SLC22A24: variants seen among roughly 807,000 people sequenced by gnomAD.
The protein encoded by SLC22A24 is solute carrier family 22 member 24, also known as steroid transmembrane transporter SLC22A24.
In SLC22A24, 53 loss-of-function variants were observed where a neutral mutation model predicts 49.8. The observed-to-expected ratio is 1.06, with a 90% CI of 0.85 to 1.34. The LOEUF (loss-of-function observed/expected upper bound fraction) is 1.34. Ranked by LOEUF, SLC22A24 falls within the 40% of genes most tolerant of loss-of-function variation. The probability of loss-of-function intolerance (pLI) is 0.00; values close to 1 mark genes in which losing one functional copy is unlikely to be tolerated. For synonymous variants in SLC22A24, 302 were observed against 256.4 expected, an observed-to-expected ratio of 1.18 and a Z score of -1.70; for missense variants, 786 against 675.9, an observed-to-expected ratio of 1.16 and a Z score of -1.81.
rs1565048100 is a variant in SLC22A24, at chr11:63,143,826, A to C, written c.-47T>G. ...CAAGAGGAAGCACAATGACTTTATG[A>C]AGAGAAGTTCAGAGGGAGAAAATGT... On this transcript the variant is annotated 5_prime_UTR_variant, in exon 1 of 10. Transcript: ENST00000612278. The C allele has an allele frequency of 7.6e-7, 1 of 1,311,908 alleles. No homozygotes were observed. The highest frequency in any genetic ancestry group is 9.7e-7 in the Non-Finnish European group (1 of 1,025,916). The allele number at this position is 1,311,908 out of a possible 1,614,324, so 81.3% of individuals were successfully genotyped here.
chr11:63,111,670 G>C (rs1472144881), intron 4 of SLC22A24, among the ~76,000 whole-genome samples: 1 of 150,584 alleles, frequency 6.6e-6, no homozygotes, highest in Non-Finnish European at 1.5e-5. Flanking sequence ...ATGGTAGTTT[G>C]TATTTCTGTG....
At chr11:63,084,232 T>C (rs1402238260) in intron 6 of SLC22A24, among the ~76,000 whole-genome samples, 1 of 152,130 alleles carries the variant, frequency 6.6e-6, no homozygotes, top group African/African-American at 2.4e-5. Context: ...GCCTGACATT[T>C]CTAAGCAGTC....
intron 2 of SLC22A24, among the ~76,000 whole-genome samples, chr11:63,128,569 T>C (rs201051157): frequency 6.7e-3 from 906 of 135,136 alleles, no homozygotes; most frequent in Admixed American, 0.018. Flanking sequence ...TCATGTTCCA[T>C]CCTGTACACC....
At chr11:63,117,916 G>A (rs1365984019) in intron 4 of SLC22A24, among the ~76,000 whole-genome samples, 1 of 152,134 alleles carries the variant, frequency 6.6e-6, no homozygotes, top group Non-Finnish European at 1.5e-5. Flanking sequence ...AGGGTCAACT[G>A]TATTTTGTTC....
intron 5 of SLC22A24, among the ~76,000 whole-genome samples, chr11:63,102,537 G>C (rs2087097616): frequency 6.6e-6 from 1 of 152,130 alleles, no homozygotes; most frequent in South Asian, 2.1e-4. Context: ...GTTGACAGGT[G>C]ATCTGCCATG....
chr11:63,109,931 G>C (rs944686388), intron 4 of SLC22A24, among the ~76,000 whole-genome samples: 1 of 152,126 alleles, frequency 6.6e-6, no homozygotes, highest in South Asian at 2.1e-4. Flanking sequence ...CCATGCCTAT[G>C]TCCTGAATGG....
At chr11:63,137,527 A>C (rs1005499766) in intron 1 of SLC22A24, among the ~76,000 whole-genome samples, 2 of 152,184 alleles carry the variant, frequency 1.3e-5, no homozygotes, top group African/African-American at 4.8e-5. Flanking sequence ...TTTGCAGGTT[A>C]TCTCTCCCCA....
intron 1 of SLC22A24, among the ~76,000 whole-genome samples, chr11:63,140,378 G>A (rs1391167047): frequency 6.6e-6 from 1 of 152,074 alleles, no homozygotes; most frequent in Non-Finnish European, 1.5e-5. Flanking sequence ...CCACATCTGG[G>A]CATAAAGACA....
At chr11:63,083,533 G>T (rs1308227543) in intron 6 of SLC22A24, 76 bp from the exon 7 acceptor site, 11 of 1,227,768 alleles carry the variant, frequency 9.0e-6, no homozygotes, top group African/African-American at 7.6e-5. Flanking sequence ...GATTTTGAAG[G>T]TAAGTCCTAC....
In SLC22A24 at chr11:63,123,566, C is replaced by T. The variant is rs1008236244; in HGVS notation, c.507-4231G>A. Among the ~76,000 whole-genome samples, 7 of 152,284 alleles carry T rather than the reference C, an allele frequency of 4.6e-5. No individual in the cohort carries two copies. The South Asian group carries it at 1.0e-3, about 23-fold the overall frequency. On this transcript the variant is annotated intron_variant, in intron 2 of 9. Transcript: ENST00000612278. The stretch of plus-strand genomic sequence containing the variant: ...CATATGCATGTCTAATAGGCAACTC[C>T]GACCCAGAAAGTCCAAAGCAGACAT...
intron 6 of SLC22A24, among the ~76,000 whole-genome samples, chr11:63,086,701 G>T (rs1397342168): frequency 6.6e-6 from 1 of 152,082 alleles, no homozygotes; most frequent in East Asian, 1.9e-4. Context: ...AAACCATTGG[G>T]TCAAAGAGGA....
intron 2 of SLC22A24, among the ~76,000 whole-genome samples, chr11:63,124,774 TA>T (rs1263297639): frequency 6.6e-6 from 1 of 152,086 alleles, no homozygotes; most frequent in Non-Finnish European, 1.5e-5. Flanking sequence ...TATGCAGCCA[TA>T]AAAAATGATG....
intron 1 of SLC22A24, among the ~76,000 whole-genome samples, chr11:63,136,824 G>A (rs1318468447): frequency 2.6e-5 from 4 of 152,166 alleles, no homozygotes; most frequent in African/African-American, 7.2e-5. Flanking sequence ...AGTTCTCTTG[G>A]ACTGGTGGCT....
chr11:63,101,853 A>G (rs1260947924), intron 5 of SLC22A24, among the ~76,000 whole-genome samples: 1 of 152,142 alleles, frequency 6.6e-6, no homozygotes, highest in Non-Finnish European at 1.5e-5. Context: ...TGAACTTTTC[A>G]TGTTCTCAGG....
At chr11:63,111,917 T>G (rs1475116189) in intron 4 of SLC22A24, among the ~76,000 whole-genome samples, 3 of 151,864 alleles carry the variant, frequency 2.0e-5, no homozygotes, top group Non-Finnish European at 4.4e-5. Context: ...GCTCTTGCTT[T>G]TCTAGTTCTT....
chr11:63,095,163 G>T (rs983952477), intron 6 of SLC22A24, among the ~76,000 whole-genome samples: 2 of 152,164 alleles, frequency 1.3e-5, no homozygotes, highest in African/African-American at 4.8e-5. Context: ...TTTGTGTAAG[G>T]TGTAAGGGAT....
intron 7 of SLC22A24, among the ~76,000 whole-genome samples, chr11:63,082,221 A>G (rs1248174701): frequency 6.6e-6 from 1 of 152,206 alleles, no homozygotes; most frequent in East Asian, 1.9e-4. Context: ...TTGGGAGTGG[A>G]CAGTGTGGAG....
At chr11:63,095,867 G>T (rs982061046) in intron 6 of SLC22A24, 124 bp downstream of exon 6, 19 of 703,656 alleles carry the variant, frequency 2.7e-5, no homozygotes, top group Middle Eastern at 2.5e-4. Flanking sequence ...GCATACATTT[G>T]TATGTGATTT....
At position 63,119,316 on chromosome 11, in the gene SLC22A24, A is replaced by C; in HGVS notation, c.526T>G (p.Cys176Gly). ...GCCAGCTGGAGGAAACACAATTTGC[A>C]TATGATCTTCCGTCCAACCCTAAGA... ...LSDRVGRKII[C>G]KLCFLQLAIS... is the part of the protein sequence containing the mutation. The change falls in exon 3 of 10, where the codon TGC becomes GGC. Residue 176 changes from cysteine (C) to glycine (G), a missense_variant. Transcript: ENST00000612278. 6.5e-7 allele frequency: 1 copy of C among 1,546,814 alleles called. No individual in the cohort carries two copies. Among genetic ancestry groups the C allele is most frequent in the Non-Finnish European group, 8.7e-7 (1 of 1,145,670 alleles).
Sources: gnomAD v4.1 joint callset for allele counts (sites outside exome capture counted in the v4.1 genomes callset) on GRCh38, gnomAD v4.1.1 for gene constraint, MANE v1.5 for transcripts, NCBI Gene and HGNC (gene_info 2026-07-23, HGNC 2026-07-21) for gene names.